The following TRAPPC9 variants were observed in gnomAD, a reference collection of about 807,000 sequenced individuals.
The protein encoded by TRAPPC9 is trafficking protein particle complex subunit 9.
In TRAPPC9, 83 loss-of-function variants were observed where a neutral mutation model predicts 124.0. The observed-to-expected ratio is 0.67, with a 90% CI of 0.56 to 0.80. The LOEUF (loss-of-function observed/expected upper bound fraction) is 0.80, where lower values mean the gene tolerates loss of function less well. Ranked by LOEUF, TRAPPC9 falls within the 30% of genes least tolerant of loss-of-function variation. The pLI, the probability that TRAPPC9 is intolerant of heterozygous loss-of-function variation, is 0.00. For synonymous variants in TRAPPC9, 638 were observed against 617.5 expected (o/e 1.03, Z -0.49); for missense variants, 1,302 against 1,508.3 (o/e 0.86, Z 2.27).
At chr8:140,048,946 C>T (rs1196378858) in intron 17 of TRAPPC9, among the ~76,000 whole-genome samples, 1 of 152,142 alleles carries the variant, frequency 6.6e-6, no homozygotes, top group African/African-American at 2.4e-5. Context: ...GCCCGGAACA[C>T]AGCAGAAATT....
At chr8:140,343,914 G>A (rs4736174) in intron 9 of TRAPPC9, among the ~76,000 whole-genome samples, 72,211 of 151,852 alleles carry the variant, frequency 0.48, 17,276 homozygotes, top group East Asian at 0.65. Flanking sequence ...GGCAGAGGGA[G>A]AGAGGAACTA....
At chr8:139,837,673 C>T (rs1481758520) in intron 21 of TRAPPC9, among the ~76,000 whole-genome samples, 3 of 152,216 alleles carry the variant, frequency 2.0e-5, no homozygotes, top group African/African-American at 4.8e-5. Flanking sequence ...GCTCTGTCCA[C>T]GCACATCTTT....
At chr8:140,102,679 G>A (rs1249393167) in intron 17 of TRAPPC9, among the ~76,000 whole-genome samples, 1 of 152,250 alleles carries the variant, frequency 6.6e-6, no homozygotes, top group African/African-American at 2.4e-5. Flanking sequence ...AGGGAAGACA[G>A]AAGGAGAAGA....
intron 7 of TRAPPC9, among the ~76,000 whole-genome samples, chr8:140,387,153 T>C (rs558061019): frequency 6.6e-6 from 1 of 152,204 alleles, no homozygotes; most frequent in Non-Finnish European, 1.5e-5. Flanking sequence ...TTACACCTTA[T>C]ACAAAAATTA....
intron 21 of TRAPPC9, among the ~76,000 whole-genome samples, chr8:139,859,699 C>T (rs1247689180): frequency 6.6e-6 from 1 of 152,220 alleles, no homozygotes; most frequent in African/African-American, 2.4e-5. Context: ...CAGGCCCTGG[C>T]ACCCAGAGGA....
chr8:139,755,619 A>T (rs1176980118), intron 21 of TRAPPC9, among the ~76,000 whole-genome samples: 1 of 96,676 alleles, frequency 1.0e-5, no homozygotes, highest in African/African-American at 5.9e-5. Context: ...GGGTTGGGGT[A>T]TAAGGACAGC....
At chr8:140,458,244 A>G (rs2071774018), upstream of TRAPPC9, 1 of 1,551,172 alleles carries the variant, frequency 6.4e-7, no homozygotes, top group Admixed American at 2.0e-5. Context: ...GGGGCGGCGC[A>G]GCTGGAAGGA....
Position 139,995,172 on chromosome 8 carries a change from G to A in TRAPPC9, c.2700-6336C>T, listed in dbSNP as rs373738182. Among the ~76,000 whole-genome samples, 11 of 152,306 alleles carry A rather than the reference G, an allele frequency of 7.2e-5. No homozygotes were observed. In the East Asian group the frequency reaches 2.1e-3, roughly 29 times the overall value. ...TGAAGTTATTCTGAACTGGCAGTGA[G>A]CTGCATCTCTCTCCAGTACCACCTG... On this transcript the variant is annotated intron_variant, in intron 18 of 22. Transcript: ENST00000438773.
At position 140,295,752 on chromosome 8, in the gene TRAPPC9, G is replaced by A. The variant is rs561788923; in HGVS notation, c.1769-4674C>T. On this transcript the variant is annotated intron_variant, in intron 11 of 22. Coordinates refer to ENST00000438773, the MANE Select transcript of TRAPPC9 (RefSeq NM_001160372.4). ...ATGATACCTCCCCCAATTATACACC[G>A]AGGTTCATTTAGAGAGACTGGAAAT... is the stretch of plus-strand genomic sequence containing the variant. Among the ~76,000 whole-genome samples, 6 of 152,240 alleles carry A rather than the reference G, an allele frequency of 3.9e-5. No individual in the cohort carries two copies. The South Asian group carries it at 6.2e-4, about 16-fold the overall frequency.
intron 7 of TRAPPC9, among the ~76,000 whole-genome samples, chr8:140,389,739 T>C (rs2132338800): frequency 6.6e-6 from 1 of 152,036 alleles, no homozygotes; most frequent in East Asian, 1.9e-4. Flanking sequence ...AAGCAATAAG[T>C]GTCTGTAATA....
intron 17 of TRAPPC9, among the ~76,000 whole-genome samples, chr8:140,121,075 G>A (rs1345563235): frequency 6.6e-6 from 1 of 152,256 alleles, no homozygotes; most frequent in Non-Finnish European, 1.5e-5. Context: ...CAATCACTAG[G>A]CAAGATGTTG....
At chr8:140,418,140 C>T (rs1380427096) in intron 5 of TRAPPC9, among the ~76,000 whole-genome samples, 1 of 152,072 alleles carries the variant, frequency 6.6e-6, no homozygotes, top group East Asian at 1.9e-4. Flanking sequence ...CAGCAAACCA[C>T]CATGGCACGT....
chr8:140,037,390 A>G (rs1840962577), intron 17 of TRAPPC9, among the ~76,000 whole-genome samples: 1 of 152,170 alleles, frequency 6.6e-6, no homozygotes, highest in South Asian at 2.1e-4. Flanking sequence ...GGAAGATAAG[A>G]TACTTGGAAC....
intron 17 of TRAPPC9, among the ~76,000 whole-genome samples, chr8:140,164,924 C>T (rs2061808838): frequency 6.6e-6 from 1 of 152,222 alleles, no homozygotes; most frequent in African/African-American, 2.4e-5. Context: ...CTGCCTCTCT[C>T]TAGTCTAGCA....
intron 21 of TRAPPC9, among the ~76,000 whole-genome samples, chr8:139,741,314 T>A (rs1818547363): frequency 6.6e-6 from 1 of 152,168 alleles, no homozygotes. Flanking sequence ...TCTGTAGGTA[T>A]CCCCTAATTC....
At chr8:140,211,572 A>G (rs2063063124) in intron 17 of TRAPPC9, among the ~76,000 whole-genome samples, 1 of 152,236 alleles carries the variant, frequency 6.6e-6, no homozygotes, top group African/African-American at 2.4e-5. Context: ...AGAAAAAAAT[A>G]TAAAAGTATA....
intron 16 of TRAPPC9, among the ~76,000 whole-genome samples, chr8:140,234,490 T>C (rs964198774): frequency 1.3e-5 from 2 of 152,204 alleles, no homozygotes; most frequent in Non-Finnish European, 2.9e-5. Context: ...TGTCTTATTT[T>C]AATCTAGACA....
intron 11 of TRAPPC9, among the ~76,000 whole-genome samples, chr8:140,298,419 G>A (rs1295094933): frequency 2.6e-5 from 4 of 152,180 alleles, no homozygotes; most frequent in East Asian, 1.9e-4. Flanking sequence ...CTAGGAGGCC[G>A]AGGCAGGGGA....
At chr8:140,037,709 C>G (rs1470619311) in intron 17 of TRAPPC9, among the ~76,000 whole-genome samples, 1 of 113,360 alleles carries the variant, frequency 8.8e-6, no homozygotes, top group African/African-American at 2.6e-5. Flanking sequence ...TACACAGACA[C>G]ACATACACCA....
Sources: allele counts gnomAD v4.1 joint callset (sites outside exome capture counted in the v4.1 genomes callset), GRCh38; gene constraint gnomAD v4.1.1; transcripts MANE v1.5; gene names NCBI Gene and HGNC (gene_info 2026-07-23, HGNC 2026-07-21).